The following HS6ST2 variants were observed in gnomAD, a reference collection of about 807,000 sequenced individuals.
The protein encoded by HS6ST2 is heparan-sulfate 6-O-sulfotransferase 2.
HS6ST2 carries 17 observed loss-of-function variants against 33.0 expected under a neutral mutation model. The ratio of observed to expected loss-of-function variants is 0.52; its 90% CI spans 0.35 to 0.77. The LOEUF (loss-of-function observed/expected upper bound fraction) is 0.77. Ranked by LOEUF, HS6ST2 falls within the 30% of genes least tolerant of loss-of-function variation. The pLI is 0.01. For missense variants in HS6ST2, 519 were observed against 551.7 expected (o/e 0.94, Z 0.59); for synonymous variants, 248 against 237.1 (o/e 1.05, Z -0.42).
chrX:132,709,024 C>CA, intron 2 of HS6ST2, among the ~76,000 whole-genome samples: 1 of 112,312 alleles, frequency 8.9e-6, no homozygotes, highest in Middle Eastern at 4.2e-3. Context: ...TCAAAGCACA[C>CA]ATAAGGTGAT....
At chrX:132,911,572 C>T (rs908181559) in intron 2 of HS6ST2, among the ~76,000 whole-genome samples, 1 of 111,357 alleles carries the variant, frequency 9.0e-6, no homozygotes, top group Non-Finnish European at 1.9e-5. Context: ...CTAATTCTTT[C>T]CCATGATCCC....
chrX:132,868,184 AG>A (rs1427551829), intron 2 of HS6ST2, among the ~76,000 whole-genome samples: 11 of 112,215 alleles, frequency 9.8e-5, no homozygotes, highest in Non-Finnish European at 1.9e-4. Context: ...AAAAAGACAA[AG>A]AAGGGCATTA....
chrX:132,913,978 C>G (rs745529144), intron 2 of HS6ST2, among the ~76,000 whole-genome samples: 48 of 111,988 alleles, frequency 4.3e-4, no homozygotes, highest in African/African-American at 1.4e-3. Context: ...CCCTCTCCCC[C>G]TCTCCTGCTC....
At chrX:132,898,167 G>A (rs1022457610) in intron 2 of HS6ST2, among the ~76,000 whole-genome samples, 12 of 109,458 alleles carry the variant, frequency 1.1e-4, no homozygotes, top group African/African-American at 3.6e-4. Flanking sequence ...GTTTCATCCC[G>A]AAACCATCCC....
At chrX:132,646,640 A>G (rs1250443521) in intron 4 of HS6ST2, among the ~76,000 whole-genome samples, 1 of 110,947 alleles carries the variant, frequency 9.0e-6, no homozygotes, top group African/African-American at 3.3e-5. Context: ...GAGCAAGGCC[A>G]TCTAGTTGGA....
intron 3 of HS6ST2, chrX:132,669,839 C>A (rs1490334156): frequency 1.8e-5 from 2 of 112,663 alleles, no homozygotes; most frequent in African/African-American, 6.4e-5. Flanking sequence ...ACAAGGAAGG[C>A]CTGCTTAATC....
Position 132,628,395 on chromosome X carries a change from G to C in HS6ST2, c.1766C>G (p.Pro589Arg). Residue 589 changes from proline (P) to arginine (R), a missense_variant, in exon 5 of 5, where the codon CCA (proline) becomes CGA (arginine). Pro to Arg is a moderately radical substitution (Grantham distance 103). Transcript: ENST00000370833. ...QNPNQNQSQNPNPNANQNLTQ... is the reference protein window; with the variant it reads ...QNPNQNQSQNRNPNANQNLTQ... ...CAGGTTCTGATTGGCATTCGGATTT[G>C]GGTTCTGACTCTGATTCTGATTCGG... 8.4e-7 allele frequency: 1 copy of C among 1,191,069 alleles called. No homozygotes were observed. The highest frequency in any genetic ancestry group is 1.1e-6 in the Non-Finnish European group (1 of 880,381).
At position 132,901,508 on chromosome X, in the gene HS6ST2, A is replaced by G. The variant is rs189731065; in HGVS notation, c.947+55300T>C. Among the ~76,000 whole-genome samples, 4 of 111,766 alleles carry G rather than the reference A, an allele frequency of 3.6e-5. No individual in the cohort carries two copies. The East Asian group carries it at 1.1e-3, about 32-fold the overall frequency. ...AGCAAAGAGTTTAAAAGGACCAAAC[A>G]TTTATTGAGCATCCACCATAGTAAA... On this transcript the variant is annotated intron_variant, in intron 2 of 4. Transcript: ENST00000370833.
intron 2 of HS6ST2, among the ~76,000 whole-genome samples, chrX:132,777,008 C>A (rs987441447): frequency 9.4e-6 from 1 of 106,620 alleles, no homozygotes; most frequent in African/African-American, 3.4e-5. Context: ...CAGTAGGAGG[C>A]GATTTTGCAT....
intron 2 of HS6ST2, among the ~76,000 whole-genome samples, chrX:132,730,165 T>C (rs1021320273): frequency 7.2e-5 from 8 of 111,650 alleles, no homozygotes; most frequent in African/African-American, 2.6e-4. Context: ...ATCCAAGTCT[T>C]CTTCAGGGAG....
At position 132,940,997 on chromosome X, in the gene HS6ST2, C is replaced by T. The variant is rs377635256; in HGVS notation, c.947+15811G>A. ...TGAAACCCCGCACCCAGTCCTTGGA[C>T]ACTGAAGCCATAATCTTCCTACAAT... On this transcript the variant is annotated intron_variant, in intron 2 of 4. Transcript: ENST00000370833. Among the ~76,000 whole-genome samples the T allele has an allele frequency of 6.3e-5, 7 of 111,903 alleles. No homozygotes were observed. In the East Asian group the frequency reaches 2.0e-3, roughly 31 times the overall value.
chrX:132,861,705 T>C (rs2148418102), intron 2 of HS6ST2, among the ~76,000 whole-genome samples: 1 of 112,478 alleles, frequency 8.9e-6, no homozygotes, highest in African/African-American at 3.2e-5. Flanking sequence ...CTAGTTATAT[T>C]CCCTGGTGTG....
chrX:132,922,168 C>T (rs1054771934), intron 2 of HS6ST2, among the ~76,000 whole-genome samples: 9 of 111,491 alleles, frequency 8.1e-5, no homozygotes, highest in Non-Finnish European at 1.5e-4. Context: ...TTTGGGAGGC[C>T]GAGGCAGGCG....
At chrX:132,933,761 C>T (rs1229848253) in intron 2 of HS6ST2, among the ~76,000 whole-genome samples, 1 of 111,848 alleles carries the variant, frequency 8.9e-6, no homozygotes, top group Non-Finnish European at 1.9e-5. Context: ...ATAACACTGA[C>T]AGCTAACTTC....
chrX:132,800,145 A>G (rs1294751683), intron 2 of HS6ST2, among the ~76,000 whole-genome samples: 4 of 111,845 alleles, frequency 3.6e-5, no homozygotes, highest in African/African-American at 1.3e-4. Context: ...CTTCATCTGT[A>G]TTTACAGCCA....
At chrX:132,651,399 T>A (rs2063691557) in intron 4 of HS6ST2, among the ~76,000 whole-genome samples, 1 of 111,580 alleles carries the variant, frequency 9.0e-6, no homozygotes. Flanking sequence ...TTGTATAAAG[T>A]GAGAGAGCCC....
chrX:132,932,116 G>A lies in HS6ST2; in HGVS notation c.947+24692C>T, dbSNP rs1472188947. 4.7e-5 allele frequency among the ~76,000 whole-genome samples: 5 copies of A among 107,397 alleles called. No individual in the cohort carries two copies. The South Asian group carries it at 1.7e-3, about 37-fold the overall frequency. 93.3% of individuals were successfully genotyped at this position (107,397 alleles called of 115,157 possible). On this transcript the variant is annotated intron_variant, in intron 2 of 4. Transcript: ENST00000370833. ...CAGGAGAATGGCGTGAACCCGGGAG[G>A]CGGAGCTTGCAGTGAACCGAGATTG...
intron 2 of HS6ST2, among the ~76,000 whole-genome samples, chrX:132,735,989 C>T (rs945852265): frequency 1.2e-4 from 13 of 110,734 alleles, no homozygotes; most frequent in Admixed American, 5.7e-4. Flanking sequence ...ACATGCCATG[C>T]GTGCACCACC....
intron 3 of HS6ST2, chrX:132,669,812 C>G (rs1252234105): frequency 5.3e-5 from 6 of 112,638 alleles, no homozygotes; most frequent in Non-Finnish European, 1.1e-4. Context: ...ACCTTGGAAA[C>G]AATTACGAAA....
Sources: allele counts gnomAD v4.1 joint callset (sites outside exome capture counted in the v4.1 genomes callset), GRCh38; gene constraint gnomAD v4.1.1; transcripts MANE v1.5; gene names NCBI Gene and HGNC (gene_info 2026-07-23, HGNC 2026-07-21).